SCD5: variants seen among roughly 807,000 people sequenced by gnomAD.
SCD5 encodes stearoyl-CoA desaturase 5.
Under a neutral mutation model 30.4 loss-of-function variants are expected in SCD5, and 20 were observed. The ratio of observed to expected loss-of-function variants is 0.66; its 90% confidence interval spans 0.46 to 0.96. The LOEUF (loss-of-function observed/expected upper bound fraction) is 0.96. Ranked by LOEUF, SCD5 falls within the 40% of genes least tolerant of loss-of-function variation. The pLI is 0.00. For missense variants in SCD5, 381 were observed against 443.3 expected, an observed-to-expected ratio of 0.86 and a Z score of 1.26; for synonymous variants, 173 against 176.4, an observed-to-expected ratio of 0.98 and a Z score of 0.16.
intron 3 of SCD5, among the ~76,000 whole-genome samples, chr4:82,656,753 C>T (rs1292840320): frequency 1.3e-5 from 2 of 152,208 alleles, no homozygotes; most frequent in Non-Finnish European, 2.9e-5. Context: ...CACACCCTGT[C>T]CATCATCTGT....
At chr4:82,680,999 C>G in intron 2 of SCD5, 87 bp from the exon 3 acceptor site, 1 of 1,036,482 alleles carries the variant, frequency 9.6e-7, no homozygotes, top group Non-Finnish European at 1.5e-6. Context: ...CCCTCCCCCA[C>G]CAGTCCTCAC....
At chr4:82,770,837 G>A (rs1419053998) in intron 1 of SCD5, among the ~76,000 whole-genome samples, 1 of 152,210 alleles carries the variant, frequency 6.6e-6, no homozygotes, top group Non-Finnish European at 1.5e-5. Flanking sequence ...GACAGAGTTG[G>A]GTGGATAAAT....
chr4:82,721,016 G>T (rs1056560418), intron 1 of SCD5, among the ~76,000 whole-genome samples: 2 of 152,022 alleles, frequency 1.3e-5, no homozygotes, highest in Admixed American at 6.6e-5. Flanking sequence ...AAAAAGCTGG[G>T]TGTGGTGGTG....
intron 3 of SCD5, among the ~76,000 whole-genome samples, chr4:82,672,488 A>C (rs528919523): frequency 4.9e-4 from 74 of 152,258 alleles, no homozygotes; most frequent in Admixed American, 2.5e-3. Context: ...ATCTACCAAA[A>C]CAAGAAAAAA....
intron 1 of SCD5, among the ~76,000 whole-genome samples, chr4:82,797,568 G>A (rs996104603): frequency 2.0e-5 from 3 of 151,976 alleles, no homozygotes; most frequent in African/African-American, 2.4e-5. Flanking sequence ...GGTTCCCACT[G>A]GCCACATGGG....
At chr4:82,734,347 C>T (rs980367828) in intron 1 of SCD5, among the ~76,000 whole-genome samples, 2 of 152,196 alleles carry the variant, frequency 1.3e-5, no homozygotes, top group South Asian at 2.1e-4. Flanking sequence ...GCTCTGTCAT[C>T]GGATGAGCCA....
intron 1 of SCD5, among the ~76,000 whole-genome samples, chr4:82,737,956 T>TAAAAA (rs35386827): frequency 6.8e-6 from 1 of 147,242 alleles, no homozygotes. Flanking sequence ...TCTAATTAGC[T>TAAAAA]AAAAAAAAAA....
At chr4:82,757,622 T>C (rs1187156271) in intron 1 of SCD5, among the ~76,000 whole-genome samples, 1 of 152,222 alleles carries the variant, frequency 6.6e-6, no homozygotes, top group East Asian at 1.9e-4. Flanking sequence ...TTAAGGACTC[T>C]GGAGTGAAAG....
intron 3 of SCD5, chr4:82,661,146 A>C (rs1727996327): frequency 1.5e-6 from 2 of 1,344,428 alleles, no homozygotes; most frequent in Non-Finnish European, 2.1e-6. Flanking sequence ...TAATTTCTCT[A>C]GTGCTCCTGT....
chr4:82,698,951 G>A (rs571958884), intron 2 of SCD5, among the ~76,000 whole-genome samples: 2 of 152,198 alleles, frequency 1.3e-5, no homozygotes, highest in South Asian at 2.1e-4. Context: ...ATGAGGACAG[G>A]GACCTTGTCT....
intron 1 of SCD5, among the ~76,000 whole-genome samples, chr4:82,793,295 G>T (rs987843430): frequency 2.6e-5 from 4 of 152,136 alleles, no homozygotes; most frequent in Admixed American, 6.6e-5. Flanking sequence ...ATTGTAACTG[G>T]CTGTGCTCAA....
intron 1 of SCD5, among the ~76,000 whole-genome samples, chr4:82,707,080 T>TG (rs1323385687): frequency 6.6e-6 from 1 of 152,224 alleles, no homozygotes; most frequent in Non-Finnish European, 1.5e-5. Flanking sequence ...ATGATCCTTG[T>TG]GGAGACTCAT....
In SCD5 at chr4:82,683,386, C is replaced by T. The variant is rs182976638; in HGVS notation, c.364-2474G>A. ...TTTTATTGTAGTGCCCATGTGAACA[C>T]GACATAGAAAGAACACTCTGTCCCC... On this transcript the variant is annotated intron_variant, in intron 2 of 4. Coordinates refer to ENST00000319540, the MANE Select transcript of SCD5 (RefSeq NM_001037582.3). Among the ~76,000 whole-genome samples, 5 of 152,238 alleles carry T rather than the reference C, an allele frequency of 3.3e-5. No homozygotes were observed. In the East Asian group the frequency reaches 5.8e-4, roughly 18 times the overall value.
chr4:82,731,071 T>A (rs142827654), intron 1 of SCD5, among the ~76,000 whole-genome samples: 130 of 152,284 alleles, frequency 8.5e-4, no homozygotes, highest in African/African-American at 3.1e-3. Flanking sequence ...ATATTTTAGT[T>A]TTTTTCAATT....
rs57727794 is a variant in SCD5 at position 82,658,630 on chromosome 4, C to CTTT, written c.570-21810_570-21808dup. ...TACAAGTGTGTGCTACCACACCTGG[C>CTTT]TTTTTTTTTTTTTTTTTTTTTTTTT... is the stretch of plus-strand genomic sequence containing the variant. On this transcript the variant is annotated intron_variant, in intron 3 of 4. Transcript: ENST00000319540. Among the ~76,000 whole-genome samples, 251 of 116,828 alleles carry CTTT rather than the reference C, an allele frequency of 2.1e-3. 15 individuals carry two copies. Among genetic ancestry groups the CTTT allele is most frequent in the East Asian group, 7.2e-3 (28 of 3,908 alleles). 76.6% of individuals were successfully genotyped at this position (116,828 alleles called of 152,430 possible). A position where few individuals can be genotyped will look rare whatever the true frequency, so the allele number is the denominator to read the frequency against.
In SCD5 at chr4:82,636,769, G is replaced by C. The variant is rs148765241; in HGVS notation, c.624C>G (p.Pro208=). The C allele has an allele frequency of 1.8e-4, 287 of 1,614,104 alleles. 1 individual carries two copies. The highest frequency in any genetic ancestry group is 2.3e-4 in the Non-Finnish European group (277 of 1,180,046). Residue 208 remains proline (P), a synonymous_variant, in exon 4 of 5, where the codon CCC becomes CCG. Coordinates refer to ENST00000319540, the MANE Select transcript of SCD5 (RefSeq NM_001037582.3). ...ACAGACTCTCTCCCCAGATGTACCAGGGCACCAGCGTGGGGACCACAAAGC... is the reference window on the plus strand; with the variant it reads ...ACAGACTCTCTCCCCAGATGTACCACGGCACCAGCGTGGGGACCACAAAGC... The part of the protein sequence containing the change: ...LMCFVVPTLV[P]WYIWGESLWN...
At chr4:82,638,578 C>A (rs1264757292) in intron 3 of SCD5, among the ~76,000 whole-genome samples, 4 of 152,164 alleles carry the variant, frequency 2.6e-5, no homozygotes, top group Non-Finnish European at 5.9e-5. Context: ...GATATTAGCT[C>A]CCCCACACTT....
intron 2 of SCD5, chr4:82,698,067 C>A: frequency 2.2e-6 from 1 of 456,646 alleles, no homozygotes; most frequent in Non-Finnish European, 4.4e-6. Flanking sequence ...TGGGTCAGGA[C>A]CACTTCTGCT....
chr4:82,670,497 CACAAAAGGCAGAAAAAGA>C (rs958309566), intron 3 of SCD5, among the ~76,000 whole-genome samples: 2 of 151,736 alleles, frequency 1.3e-5, no homozygotes, highest in South Asian at 4.2e-4. Context: ...CAAATAAAAC[CACAAAAGGCAGAAAAAGA>C]ATAAAAGACA....
Sources: gnomAD v4.1 joint callset for allele counts (sites outside exome capture counted in the v4.1 genomes callset) on GRCh38, gnomAD v4.1.1 for gene constraint, MANE v1.5 for transcripts, NCBI Gene and HGNC (gene_info 2026-07-23, HGNC 2026-07-21) for gene names.